Variants in CNBD1 observed in about 807,000 individuals in gnomAD.
CNBD1 encodes the protein cyclic nucleotide binding domain containing 1.
In CNBD1, 71 loss-of-function variants were observed where a neutral mutation model predicts 54.4. The ratio of observed to expected loss-of-function variants is 1.30; its 90% CI spans 1.08 to 1.59. The LOEUF (loss-of-function observed/expected upper bound fraction) is 1.59. Ranked by LOEUF, CNBD1 falls within the 40% of genes most tolerant of loss-of-function variation. CNBD1 has a pLI of 0.00. For synonymous variants in CNBD1, 182 were observed against 170.7 expected (o/e 1.07, Z -0.51); for missense variants, 659 against 518.0 (o/e 1.27, Z -2.64).
chr8:87,156,593 C>T (rs916471223), intron 4 of CNBD1, among the ~76,000 whole-genome samples: 3 of 151,960 alleles, frequency 2.0e-5, no homozygotes, highest in Non-Finnish European at 4.4e-5. Context: ...TATTCAGTAA[C>T]ATACACAGAT....
At chr8:87,230,614 A>G (rs973541869) in intron 5 of CNBD1, among the ~76,000 whole-genome samples, 4 of 152,164 alleles carry the variant, frequency 2.6e-5, no homozygotes, top group Non-Finnish European at 4.4e-5. Context: ...TTCATCTGCA[A>G]TATGCAGTAA....
At chr8:87,331,709 G>C (rs1809835817) in intron 8 of CNBD1, among the ~76,000 whole-genome samples, 1 of 152,086 alleles carries the variant, frequency 6.6e-6, no homozygotes, top group Non-Finnish European at 1.5e-5. Context: ...TTTCTCCACA[G>C]CCTCACCAGC....
At chr8:87,046,957 A>G (rs1363321686) in intron 4 of CNBD1, among the ~76,000 whole-genome samples, 1 of 152,164 alleles carries the variant, frequency 6.6e-6, no homozygotes, top group Non-Finnish European at 1.5e-5. Flanking sequence ...TGCTATTCTG[A>G]TGTAATACTG....
At chr8:87,092,413 GTGTGTA>G (rs1248697239) in intron 4 of CNBD1, among the ~76,000 whole-genome samples, 1 of 138,858 alleles carries the variant, frequency 7.2e-6, no homozygotes, top group Non-Finnish European at 1.6e-5. Context: ...GTGTATATGT[GTGTGTA>G]TGTATGTATG....
intron 8 of CNBD1, among the ~76,000 whole-genome samples, chr8:87,290,820 G>A (rs1808771524): frequency 6.6e-6 from 1 of 152,098 alleles, no homozygotes; most frequent in Non-Finnish European, 1.5e-5. Context: ...TGTTTCTGAT[G>A]TGAAGACAGC....
chr8:87,162,100 T>G (rs1812869540), intron 4 of CNBD1, among the ~76,000 whole-genome samples: 1 of 152,084 alleles, frequency 6.6e-6, no homozygotes, highest in African/African-American at 2.4e-5. Context: ...ACATGCAAAG[T>G]CTTTCTAAAA....
In CNBD1 at chr8:86,939,626, A is replaced by G. The variant is rs1176469947; in HGVS notation, c.303A>G (p.Gln101=). The change falls in exon 4 of 11, where the codon CAA becomes CAG. Residue 101 remains glutamine, a synonymous_variant. Coordinates refer to ENST00000518476, the MANE Select transcript of CNBD1 (RefSeq NM_173538.3). ...TCAATGAAGGCAAAGAGGAAAGTCA[A>G]CATCAACAACCTGATGATTCTAACA... The part of the protein sequence containing the change: ...RELNEGKEES[Q]HQQPDDSNNI... The G allele has an allele frequency of 3.1e-6, 5 of 1,596,830 alleles. No individual in the cohort carries two copies. The South Asian group carries it at 3.5e-5, about 11-fold the overall frequency.
intron 4 of CNBD1, among the ~76,000 whole-genome samples, chr8:86,992,548 G>GT (rs201883465): frequency 0.012 from 1,798 of 151,210 alleles, 31 homozygotes; most frequent in Middle Eastern, 0.041. Context: ...TGATTGTGTA[G>GT]TTTTTTTTTA....
At chr8:87,092,461 GTGTGTGTGTATATATATACACATA>G (rs1412496174) in intron 4 of CNBD1, among the ~76,000 whole-genome samples, 3 of 148,854 alleles carry the variant, frequency 2.0e-5, no homozygotes, top group Admixed American at 6.7e-5. Context: ...ACACATATGT[GTGTGTGTGTATATATATACACATA>G]TGTGTGTGTG....
chr8:86,891,684 C>T (rs1277570840), intron 2 of CNBD1, among the ~76,000 whole-genome samples: 1 of 152,062 alleles, frequency 6.6e-6, no homozygotes, highest in African/African-American at 2.4e-5. Flanking sequence ...GTAGTATGGA[C>T]ATTTTAACAA....
At chr8:86,899,979 T>C (rs577219271) in intron 2 of CNBD1, among the ~76,000 whole-genome samples, 3 of 152,198 alleles carry the variant, frequency 2.0e-5, no homozygotes, top group South Asian at 4.2e-4. Context: ...TCTCTGCCCA[T>C]TGGTCACATC....
At chr8:87,156,369 C>A (rs1288172222) in intron 4 of CNBD1, among the ~76,000 whole-genome samples, 1 of 149,796 alleles carries the variant, frequency 6.7e-6, no homozygotes, top group Admixed American at 6.7e-5. Flanking sequence ...CTCAGCCTTC[C>A]ATGTAGCTGG....
intron 4 of CNBD1, among the ~76,000 whole-genome samples, chr8:86,996,387 T>A (rs1808870407): frequency 6.6e-6 from 1 of 152,240 alleles, no homozygotes; most frequent in African/African-American, 2.4e-5. Context: ...CATTAATTGA[T>A]GTAAACATCA....
chr8:87,372,145 G>T (rs1487838473), intron 10 of CNBD1, among the ~76,000 whole-genome samples: 1 of 151,976 alleles, frequency 6.6e-6, no homozygotes, highest in Non-Finnish European at 1.5e-5. Context: ...CCAAGTCTCA[G>T]GATACAAAAT....
chr8:87,046,136 C>A (rs990282118), intron 4 of CNBD1, among the ~76,000 whole-genome samples: 1 of 151,476 alleles, frequency 6.6e-6, no homozygotes, highest in Non-Finnish European at 1.5e-5. Context: ...ATTACCACTG[C>A]GGCTAGAGAG....
At chr8:86,907,458 G>T (rs1809034116) in intron 3 of CNBD1, among the ~76,000 whole-genome samples, 1 of 151,690 alleles carries the variant, frequency 6.6e-6, no homozygotes, top group African/African-American at 2.4e-5. Context: ...ACCTGAAGTT[G>T]GGAGTTTGAG....
At chr8:87,380,632 G>T (rs1457609168) in intron 10 of CNBD1, among the ~76,000 whole-genome samples, 1 of 151,946 alleles carries the variant, frequency 6.6e-6, no homozygotes, top group Admixed American at 6.6e-5. Context: ...TAACAATATT[G>T]TCTTCCAGTC....
At chr8:87,092,456 TATG>T (rs1811229625) in intron 4 of CNBD1, among the ~76,000 whole-genome samples, 6 of 138,792 alleles carry the variant, frequency 4.3e-5, no homozygotes, top group African/African-American at 9.6e-5. Flanking sequence ...TATATACACA[TATG>T]TGTGTGTGTG....
chr8:87,234,560 TTCTGAGTAGTTGATCTCAACAGTGG>T, intron 5 of CNBD1, among the ~76,000 whole-genome samples: 1 of 152,316 alleles, frequency 6.6e-6, no homozygotes, highest in South Asian at 2.1e-4. Flanking sequence ...GGAGTCTTTT[TTCTGAGTAGTTGATCTCAACAGTGG>T]GCTTCAAATA....
Sources: gnomAD v4.1 joint callset for allele counts (sites outside exome capture counted in the v4.1 genomes callset) on GRCh38, gnomAD v4.1.1 for gene constraint, MANE v1.5 for transcripts, NCBI Gene and HGNC (gene_info 2026-07-23, HGNC 2026-07-21) for gene names.